Variants in SBNO2 observed in about 807,000 individuals in gnomAD.
The protein encoded by SBNO2 is strawberry notch homolog 2.
In SBNO2, 89 loss-of-function variants were observed where a neutral mutation model predicts 146.3. That is an observed-to-expected ratio of 0.61 (90% CI 0.51 to 0.73). The LOEUF (loss-of-function observed/expected upper bound fraction) is 0.73, where lower values mean the gene tolerates loss of function less well. Ranked by LOEUF, SBNO2 falls within the 30% of genes least tolerant of loss-of-function variation. SBNO2 has a pLI of 0.00. For missense variants in SBNO2, 2,092 were observed against 2,003.7 expected (o/e 1.04, Z -0.84); for synonymous variants, 1,147 against 892.6 (o/e 1.29, Z -5.08).
chr19:1,139,955 A>G (rs1440999016), intron 4 of SBNO2, among the ~76,000 whole-genome samples: 2 of 151,966 alleles, frequency 1.3e-5, no homozygotes, highest in Non-Finnish European at 2.9e-5. Flanking sequence ...ATCTCAAAAC[A>G]AAACAAAAAA....
rs1162419245 is a variant in SBNO2 at position 1,165,701 on chromosome 19, CCAGACCCCAGATCT to C, written c.-127+8457_-127+8470del. 2.1e-3 allele frequency among the ~76,000 whole-genome samples: 241 copies of C among 114,722 alleles called. 1 individual carries two copies. Among genetic ancestry groups the C allele is most frequent in the African/African-American group, 6.6e-3 (231 of 34,972 alleles). The allele number at this position is 114,722 out of a possible 152,430, so 75.3% of individuals were successfully genotyped here. ...GTACCCAGACCCCAGATCTCAGACC[CCAGACCCCAGATCT>C]CAGACCCCAGATCTCAGACTCCAGA... On this transcript the variant is annotated intron_variant, in intron 1 of 31. Coordinates refer to ENST00000361757, the MANE Select transcript of SBNO2 (RefSeq NM_014963.3).
chr19:1,153,554 T>G (rs2080261792), intron 2 of SBNO2, among the ~76,000 whole-genome samples: 1 of 151,864 alleles, frequency 6.6e-6, no homozygotes, highest in African/African-American at 2.4e-5. Flanking sequence ...TTCATTTTTT[T>G]GAGATGGAGT....
chr19:1,119,294 A>G, intron 13 of SBNO2, 130 bp from the exon 14 acceptor site: 1 of 1,181,826 alleles, frequency 8.5e-7, no homozygotes, highest in South Asian at 1.5e-5. Flanking sequence ...CCACTGAGGC[A>G]GTTGGCAGCT....
At chr19:1,166,200 G>A (rs1269367300) in intron 1 of SBNO2, among the ~76,000 whole-genome samples, 11,741 of 29,636 alleles carry the variant, frequency 0.4, 1,076 homozygotes, top group Middle Eastern at 0.52. Flanking sequence ...TCAGATCCCC[G>A]GATCCCCAGA....
chr19:1,149,278 C>T, intron 3 of SBNO2, 91 bp downstream of exon 3: 1 of 1,215,244 alleles, frequency 8.2e-7, no homozygotes, highest in East Asian at 2.6e-5. Context: ...AGACTTTGGG[C>T]CCTCGCGCCC....
intron 11 of SBNO2, among the ~76,000 whole-genome samples, chr19:1,120,361 G>A (rs1032616641): frequency 6.6e-6 from 1 of 152,186 alleles, no homozygotes; most frequent in Non-Finnish European, 1.5e-5. Flanking sequence ...CCTGGAACCT[G>A]TTTTCTTTTT....
At position 1,126,502 on chromosome 19, in the gene SBNO2, C is replaced by T. The variant is rs1248847236; in HGVS notation, c.441+1102G>A. On this transcript the variant is annotated intron_variant, in intron 5 of 31. Transcript: ENST00000361757. This position sits in a 1 kb window ranked among gnomAD's most constrained non-coding sequence, Gnocchi z 4.4. ...TGAAATGCTCTGCTGGGCCCTTGTG[C>T]CAGAGGGACCAAGCCTGAGCCGCCC... Among the ~76,000 whole-genome samples, 1 of 152,072 alleles carries T rather than the reference C, an allele frequency of 6.6e-6. No homozygotes were observed. Among genetic ancestry groups the T allele is most frequent in the East Asian group, 1.9e-4 (1 of 5,174 alleles).
At chr19:1,111,645 C>T (rs1038359498) in intron 23 of SBNO2, 31 bp from the exon 24 acceptor site, 3 of 1,511,908 alleles carry the variant, frequency 2.0e-6, no homozygotes, top group Non-Finnish European at 1.8e-6. Context: ...GGGGAGGAGG[C>T]CCAGGGAGGA....
intron 4 of SBNO2, among the ~76,000 whole-genome samples, chr19:1,139,523 G>A (rs960150505): frequency 6.6e-6 from 1 of 152,124 alleles, no homozygotes; most frequent in African/African-American, 2.4e-5. Context: ...GGCGGGGCGT[G>A]GTGGCTCGCA....
Position 1,112,742 on chromosome 19 carries a change from A to G in SBNO2, c.2379+76T>C, listed in dbSNP as rs1369156984. On this transcript the variant is annotated intron_variant, in intron 20 of 31. Transcript: ENST00000361757. This position sits in a 1 kb window ranked among gnomAD's most constrained non-coding sequence, Gnocchi z 5.9. ...ACACTCCAGAAGTGCGCGGGTCCAC[A>G]GTCCCCGGGGACCCTTGGGCCCCTC... 1.3e-6 allele frequency: 2 copies of G among 1,483,744 alleles called. No homozygotes were observed. The highest frequency in any genetic ancestry group is 1.8e-6 in the Non-Finnish European group (2 of 1,113,358). The allele number at this position is 1,483,744 out of a possible 1,614,324, so 91.9% of individuals were successfully genotyped here. A position where few individuals can be genotyped will look rare whatever the true frequency, so the allele number is the denominator to read the frequency against.
chr19:1,153,070 A>G (rs557618478), intron 2 of SBNO2, among the ~76,000 whole-genome samples: 6 of 151,508 alleles, frequency 4.0e-5, no homozygotes, highest in Non-Finnish European at 7.4e-5. Flanking sequence ...CAGGAGAATC[A>G]CTAGCCCAGG....
chr19:1,171,023 T>C (rs36194624), intron 1 of SBNO2, among the ~76,000 whole-genome samples: 15,405 of 149,592 alleles, frequency 0.1, 904 homozygotes, highest in Middle Eastern at 0.2. Context: ...ACACACAAAA[T>C]ACAGACACAC....
chr19:1,148,215 G>A (rs1185463870), intron 3 of SBNO2, among the ~76,000 whole-genome samples: 1 of 152,058 alleles, frequency 6.6e-6, no homozygotes, highest in East Asian at 1.9e-4. Flanking sequence ...GGGCAGACCT[G>A]CTCCCAGGGC....
chr19:1,155,422 G>A (rs1279990504), intron 1 of SBNO2, among the ~76,000 whole-genome samples: 1 of 152,190 alleles, frequency 6.6e-6, no homozygotes, highest in Non-Finnish European at 1.5e-5. Context: ...CCAACTGTCC[G>A]CGGCCTCTGC....
intron 4 of SBNO2, among the ~76,000 whole-genome samples, chr19:1,145,121 A>G (rs1173412828): frequency 6.6e-6 from 1 of 151,618 alleles, no homozygotes; most frequent in Non-Finnish European, 1.5e-5. Context: ...AGGGAGGGAG[A>G]CAGAGAGAGA....
intron 2 of SBNO2, among the ~76,000 whole-genome samples, chr19:1,149,762 G>A (rs1599867834): frequency 6.6e-6 from 1 of 152,210 alleles, no homozygotes; most frequent in African/African-American, 2.4e-5. Flanking sequence ...TCTCACACAA[G>A]ACCTGGGGGT....
intron 1 of SBNO2, among the ~76,000 whole-genome samples, chr19:1,159,756 G>A (rs1414361675): frequency 9.0e-6 from 1 of 110,508 alleles, no homozygotes; most frequent in African/African-American, 3.5e-5. Flanking sequence ...AGACAGCGGG[G>A]AGATGGGGAC....
At chr19:1,145,328 C>A (rs928288458) in intron 4 of SBNO2, among the ~76,000 whole-genome samples, 3 of 147,156 alleles carry the variant, frequency 2.0e-5, no homozygotes, top group Admixed American at 2.0e-4. Context: ...AAAAAATTAG[C>A]CAGGCATGGT....
chr19:1,111,240 CT>C, intron 24 of SBNO2, 147 bp from the exon 25 acceptor site: 1 of 933,448 alleles, frequency 1.1e-6, no homozygotes. Flanking sequence ...GGAGCGGAGC[CT>C]TTTGCCTGAC....
Sources: gnomAD v4.1 joint callset for allele counts (sites outside exome capture counted in the v4.1 genomes callset) on GRCh38, gnomAD v4.1.1 for gene constraint, Gnocchi (gnomAD v3.1) non-coding constraint, MANE v1.5 for transcripts, NCBI Gene and HGNC (gene_info 2026-07-23, HGNC 2026-07-21) for gene names.